SORBS2: variants seen among roughly 807,000 people sequenced by gnomAD.
The protein encoded by SORBS2 is sorbin and SH3 domain containing 2, also known as sorbin and SH3 domain-containing protein 2.
SORBS2 carries 46 observed loss-of-function variants against 97.7 expected under a neutral mutation model. The ratio of observed to expected loss-of-function variants is 0.47; its 90% CI spans 0.37 to 0.60. The LOEUF is 0.60. Among genes scored for constraint, SORBS2 ranks in the 20% least tolerant of loss-of-function variants. SORBS2 has a pLI of 0.00. For missense variants in SORBS2, 1,316 were observed against 1,282.3 expected (o/e 1.03, Z -0.40); for synonymous variants, 476 against 473.4 (o/e 1.01, Z -0.07).
At chr4:185,656,623 G>A in exon 1 of SORBS2, 1 of 1,550,302 alleles carries the variant, frequency 6.5e-7, no homozygotes, top group Non-Finnish European at 8.7e-7. Flanking sequence ...ACCTGCAAAG[G>A]TGTTGTTGCT....
chr4:185,828,393 T>G (rs6816833), intron 1 of SORBS2, among the ~76,000 whole-genome samples: 34,303 of 151,850 alleles, frequency 0.23, 4,052 homozygotes, highest in South Asian at 0.32. Flanking sequence ...ATGCACACTC[T>G]GGGAGCTGGG....
chr4:185,864,928 G>GA (rs2099225961), intron 1 of SORBS2, among the ~76,000 whole-genome samples: 1 of 150,098 alleles, frequency 6.7e-6, no homozygotes, highest in Non-Finnish European at 1.5e-5. Flanking sequence ...AAAAGAAAAA[G>GA]AAAAGCATAT....
intron 2 of SORBS2, among the ~76,000 whole-genome samples, chr4:185,682,790 C>A (rs2097890809): frequency 6.6e-6 from 1 of 151,860 alleles, no homozygotes. Context: ...GCGGGCGGAT[C>A]ACTTGAGGTC....
At position 185,607,421 on chromosome 4, in the gene SORBS2, T is replaced by C. The variant is rs2096451099; in HGVS notation, c.2796+4359A>G. 1 of 768,498 alleles carries C rather than the reference T, an allele frequency of 1.3e-6. No individual in the cohort carries two copies. The highest frequency in any genetic ancestry group is 1.9e-6 in the Non-Finnish European group (1 of 523,348). The allele number at this position is 768,498 out of a possible 1,614,324, so 47.6% of individuals were successfully genotyped here. A position where few individuals can be genotyped will look rare whatever the true frequency, so the allele number is the denominator to read the frequency against. On this transcript the variant is annotated intron_variant, in intron 12 of 14. Transcript: ENST00000418609. The surrounding 1 kb of genome is among the most constrained non-coding windows in gnomAD (Gnocchi z 5.2). ...AAAATAATAATAATGCATCAAAACA[T>C]AGCGATGGAGAAATGCAGAAAAGAT... is the stretch of plus-strand genomic sequence containing the variant.
chr4:185,795,411 G>C (rs1259596100), intron 1 of SORBS2, among the ~76,000 whole-genome samples: 1 of 152,122 alleles, frequency 6.6e-6, no homozygotes, highest in Non-Finnish European at 1.5e-5. Flanking sequence ...TGTACCTTCA[G>C]AGAAGGTTTT....
chr4:185,717,597 T>G (rs934468302), intron 2 of SORBS2, among the ~76,000 whole-genome samples: 1 of 152,192 alleles, frequency 6.6e-6, no homozygotes, highest in Non-Finnish European at 1.5e-5. Flanking sequence ...AGAAGCCGCA[T>G]GTGGTCAAAG....
At chr4:185,656,794 C>T in exon 1 of SORBS2, 1 of 1,426,548 alleles carries the variant, frequency 7.0e-7, no homozygotes, top group Non-Finnish European at 9.1e-7. Context: ...AATGCTTTGG[C>T]AGAGTTTTAA....
chr4:185,745,567 C>G (rs960464897), intron 2 of SORBS2, among the ~76,000 whole-genome samples: 1 of 152,092 alleles, frequency 6.6e-6, no homozygotes, highest in African/African-American at 2.4e-5. Context: ...TGATGGCGAC[C>G]TATTACAAAT....
In SORBS2 at chr4:185,795,616, C is replaced by T. The variant is rs551977041; in HGVS notation, c.-337-20250G>A. 3.9e-5 allele frequency among the ~76,000 whole-genome samples: 6 copies of T among 152,310 alleles called. No individual in the cohort carries two copies. The South Asian group carries it at 1.2e-3, about 32-fold the overall frequency. ...TACTATTTTTTATACTTGTTGAAAT[C>T]ATATTTTGGCTGTACTAGGTTAAAA... On this transcript the variant is annotated intron_variant, in intron 1 of 20. Transcript: ENST00000284776.
chr4:185,741,404 G>GTTTTTTTT (rs58376567), intron 2 of SORBS2, among the ~76,000 whole-genome samples: 3 of 111,664 alleles, frequency 2.7e-5, no homozygotes, highest in Non-Finnish European at 3.4e-5. Flanking sequence ...TTTTTTTTTT[G>GTTTTTTTT]TTTTTTTTTT....
intron 4 of SORBS2, among the ~76,000 whole-genome samples, chr4:185,674,645 T>G (rs1304061826): frequency 6.6e-6 from 1 of 152,202 alleles, no homozygotes; most frequent in African/African-American, 2.4e-5. Flanking sequence ...CCTCCTGTCA[T>G]CTGGTCTTTG....
At chr4:185,753,243 TA>T (rs1562299105) in intron 2 of SORBS2, among the ~76,000 whole-genome samples, 1 of 152,152 alleles carries the variant, frequency 6.6e-6, no homozygotes. Flanking sequence ...ACACAAAAAA[TA>T]AAAAAGGTTT....
intron 1 of SORBS2, among the ~76,000 whole-genome samples, chr4:185,784,360 G>C (rs1010047336): frequency 2.6e-5 from 4 of 152,162 alleles, no homozygotes; most frequent in African/African-American, 9.6e-5. Flanking sequence ...TCGATCTCCT[G>C]ACCTCGTGAT....
At chr4:185,660,215 G>T (rs186810881), upstream of SORBS2, among the ~76,000 whole-genome samples, 5 of 152,284 alleles carry the variant, frequency 3.3e-5, no homozygotes, top group Non-Finnish European at 7.4e-5. Flanking sequence ...TGTTGTTGTT[G>T]GGTGGGGATA....
intron 1 of SORBS2, among the ~76,000 whole-genome samples, chr4:185,889,687 G>A: frequency 6.6e-6 from 1 of 151,956 alleles, no homozygotes; most frequent in Middle Eastern, 3.4e-3. Context: ...CCCAATCTGT[G>A]CTTCTGTCCT....
chr4:185,769,065 G>A (rs1280439338), intron 2 of SORBS2, among the ~76,000 whole-genome samples: 1 of 150,778 alleles, frequency 6.6e-6, no homozygotes, highest in Admixed American at 6.6e-5. Flanking sequence ...TGATGCGGGA[G>A]CATCTTGTAG....
At chr4:185,741,399 T>A (rs1583864204) in intron 2 of SORBS2, among the ~76,000 whole-genome samples, 1 of 115,106 alleles carries the variant, frequency 8.7e-6, no homozygotes, top group East Asian at 2.2e-4. Context: ...TTTTCTTTTT[T>A]TTTTGTTTTT....
At chr4:185,836,587 G>A (rs1173599579) in intron 1 of SORBS2, among the ~76,000 whole-genome samples, 2 of 151,210 alleles carry the variant, frequency 1.3e-5, no homozygotes, top group African/African-American at 4.9e-5. Flanking sequence ...AATTGGGCAT[G>A]AATTTTATCC....
intron 4 of SORBS2, 103 bp downstream of exon 13, chr4:185,646,565 T>C (rs1393804760): frequency 1.5e-6 from 1 of 667,890 alleles, no homozygotes; most frequent in Non-Finnish European, 2.7e-6. Flanking sequence ...TCTAAGTGAT[T>C]ACCTTTGTGA....
Sources: allele counts gnomAD v4.1 joint callset (sites outside exome capture counted in the v4.1 genomes callset), GRCh38; gene constraint gnomAD v4.1.1; non-coding constraint Gnocchi (gnomAD v3.1); transcripts MANE v1.5; gene names NCBI Gene and HGNC (gene_info 2026-07-23, HGNC 2026-07-21).